Variants in SPTLC1 observed in about 807,000 individuals in gnomAD.
SPTLC1 encodes the protein serine palmitoyltransferase 1.
A neutral mutation model predicts 68.9 loss-of-function variants in SPTLC1; 55 were observed. That is an observed-to-expected ratio of 0.80 (90% CI 0.64 to 1.00). SPTLC1 has a LOEUF of 1.00. Among genes scored for constraint, SPTLC1 ranks in the 50% least tolerant of loss-of-function variants. The pLI is 0.00. For missense variants in SPTLC1, 449 were observed against 573.1 expected (o/e 0.78, Z 2.21); for synonymous variants, 197 against 201.6 (o/e 0.98, Z 0.19).
At chr9:92,046,390 T>C (rs1396379739) in intron 11 of SPTLC1, 1 of 238,588 alleles carries the variant, frequency 4.2e-6, no homozygotes, top group African/African-American at 2.3e-5. Flanking sequence ...AACAATTTGG[T>C]AAAAAATCAA....
chr9:92,109,648 A>T (rs143676004), intron 2 of SPTLC1: 11,824 of 152,276 alleles, frequency 0.078, 821 homozygotes, highest in East Asian at 0.27. Context: ...TGGATCAACA[A>T]TTCTCACCAT....
intron 8 of SPTLC1, among the ~76,000 whole-genome samples, chr9:92,053,106 C>T (rs1052013660): frequency 1.2e-4 from 18 of 149,738 alleles, no homozygotes; most frequent in East Asian, 2.0e-4. Flanking sequence ...CAAAGGTATA[C>T]GCATGGCCAA....
At chr9:92,041,630 C>T (rs1457220769) in intron 12 of SPTLC1, among the ~76,000 whole-genome samples, 1 of 152,162 alleles carries the variant, frequency 6.6e-6, no homozygotes, top group African/African-American at 2.4e-5. Context: ...AAATCATCTA[C>T]CGAAGCTACC....
chr9:92,062,265 G>A (rs748700511), intron 6 of SPTLC1, among the ~76,000 whole-genome samples: 26 of 152,148 alleles, frequency 1.7e-4, no homozygotes, highest in Non-Finnish European at 4.4e-5. Context: ...AATTATCAGA[G>A]ACAGAGAAGA....
intron 1 of SPTLC1, 76 bp from the exon 2 acceptor site, chr9:92,112,638 C>T: frequency 1.1e-6 from 1 of 873,858 alleles, no homozygotes; most frequent in Non-Finnish European, 1.9e-6. Context: ...ACTACACCTG[C>T]ATATACTGCC....
At chr9:92,055,646 G>C in intron 7 of SPTLC1, 152 bp from the exon 8 acceptor site, 1 of 804,960 alleles carries the variant, frequency 1.2e-6, no homozygotes, top group East Asian at 2.7e-5. Context: ...GGGTTATTTT[G>C]AGATGAACAA....
chr9:92,032,348 C>G lies in SPTLC1; in HGVS notation c.*117G>C, dbSNP rs1392770545. ...GGTCCATACTGACACCATTTGGTAA[C>G]AATCCTATCAAAGATCCACATGTTC... On this transcript the variant is annotated 3_prime_UTR_variant, in exon 15 of 15. Coordinates refer to ENST00000262554, the MANE Select transcript of SPTLC1 (RefSeq NM_006415.4). The G allele has an allele frequency of 6.4e-7, 1 of 1,570,474 alleles. No individual in the cohort carries two copies. The highest frequency in any genetic ancestry group is 8.6e-7 in the Non-Finnish European group (1 of 1,161,128).
chr9:92,034,708 C>T (rs1833083250), intron 14 of SPTLC1, 102 bp downstream of exon 14: 1 of 903,224 alleles, frequency 1.1e-6, no homozygotes, highest in African/African-American at 1.6e-5. Flanking sequence ...AGATATTCTT[C>T]CATAGCCTAT....
At chr9:92,063,538 AAAGT>A (rs548409958) in intron 6 of SPTLC1, among the ~76,000 whole-genome samples, 165 of 152,228 alleles carry the variant, frequency 1.1e-3, no homozygotes, top group African/African-American at 3.9e-3. Flanking sequence ...TACCAAAACC[AAAGT>A]AAGTATCAAA....
chr9:92,063,690 G>C (rs765387666), intron 6 of SPTLC1, among the ~76,000 whole-genome samples: 7 of 152,030 alleles, frequency 4.6e-5, no homozygotes, highest in Non-Finnish European at 1.0e-4. Context: ...AGGTATGCAA[G>C]GCTGGTTCAA....
At chr9:92,038,424 C>T (rs765962127) in intron 12 of SPTLC1, 59 bp from the exon 13 acceptor site, 24 of 1,116,446 alleles carry the variant, frequency 2.1e-5, no homozygotes, top group African/African-American at 7.7e-5. Context: ...AGATCGCTCA[C>T]GGAGAAATAA....
intron 5 of SPTLC1, among the ~76,000 whole-genome samples, chr9:92,075,000 A>G (rs1834630184): frequency 6.6e-6 from 1 of 151,978 alleles, no homozygotes; most frequent in Non-Finnish European, 1.5e-5. Context: ...GACAGCCCAC[A>G]CTACTTTAGC....
At chr9:92,081,012 T>C (rs778922993) in intron 3 of SPTLC1, 49 bp from the exon 4 acceptor site, 5 of 1,375,448 alleles carry the variant, frequency 3.6e-6, no homozygotes, top group Admixed American at 3.4e-5. Context: ...TCATGTTACA[T>C]GCTATCATAT....
At chr9:92,032,894 AAAAC>A (rs370457080) in intron 14 of SPTLC1, among the ~76,000 whole-genome samples, 3 of 151,952 alleles carry the variant, frequency 2.0e-5, no homozygotes, top group African/African-American at 7.2e-5. Flanking sequence ...AAAAAAACCA[AAAAC>A]AAACAAACAG....
chr9:92,050,098 T>C (rs377233034), intron 8 of SPTLC1, 31 bp from the exon 9 acceptor site: 6 of 1,319,454 alleles, frequency 4.5e-6, no homozygotes, highest in African/African-American at 4.4e-5. Flanking sequence ...AAAATACTAA[T>C]GATTAGCACC....
At chr9:92,045,002 G>T (rs1833460441) in intron 12 of SPTLC1, among the ~76,000 whole-genome samples, 3 of 152,184 alleles carry the variant, frequency 2.0e-5, no homozygotes, top group Admixed American at 2.0e-4. Flanking sequence ...CAATATGCTA[G>T]GCTGTGTTGG....
At chr9:92,045,538 A>C (rs1408908156) in intron 12 of SPTLC1, among the ~76,000 whole-genome samples, 1 of 146,340 alleles carries the variant, frequency 6.8e-6, no homozygotes, top group Admixed American at 6.7e-5. Flanking sequence ...AAAAAAAAAA[A>C]AAAAAAAAAA....
At chr9:92,079,371 C>T (rs542927126) in intron 5 of SPTLC1, 74 of 1,448,994 alleles carry the variant, frequency 5.1e-5, no homozygotes, top group South Asian at 3.1e-4. Flanking sequence ...CCACCATGCC[C>T]GGCCTAAACA....
chr9:92,098,337 AAGCGCTCTGCACCTTTGGCAC>A (rs1413152448), intron 3 of SPTLC1, among the ~76,000 whole-genome samples: 111 of 151,902 alleles, frequency 7.3e-4, no homozygotes, highest in African/African-American at 2.6e-3. Context: ...GCATCCATAA[AAGCGCTCTGCACCTTTGGCAC>A]AGCGCGACTT....
Sources: allele counts gnomAD v4.1 joint callset (sites outside exome capture counted in the v4.1 genomes callset), GRCh38; gene constraint gnomAD v4.1.1; transcripts MANE v1.5; gene names NCBI Gene and HGNC (gene_info 2026-07-23, HGNC 2026-07-21).